The following PRPSAP1 variants were observed in gnomAD, a reference collection of about 807,000 sequenced individuals.
PRPSAP1 encodes the protein phosphoribosyl pyrophosphate synthase-associated protein 1.
PRPSAP1 carries 31 observed loss-of-function variants against 39.4 expected under a neutral mutation model. The observed-to-expected ratio is 0.79, with a 90% CI of 0.59 to 1.06. PRPSAP1 has a LOEUF of 1.06. Ranked by LOEUF, PRPSAP1 falls within the 50% of genes least tolerant of loss-of-function variation. PRPSAP1 has a pLI of 0.00. For missense variants in PRPSAP1, 430 were observed against 511.6 expected (o/e 0.84, Z 1.54); for synonymous variants, 212 against 192.6 (o/e 1.10, Z -0.83).
At chr17:76,335,257 GCTT>G (rs1222546595) in intron 3 of PRPSAP1, among the ~76,000 whole-genome samples, 2 of 151,068 alleles carry the variant, frequency 1.3e-5, no homozygotes, top group African/African-American at 4.9e-5. Context: ...GCTGGCTGTG[GCTT>G]CATAAACCAG....
chr17:76,329,893 G>C (rs1159914697), intron 6 of PRPSAP1, 150 bp downstream of exon 6: 6 of 660,292 alleles, frequency 9.1e-6, no homozygotes, highest in Non-Finnish European at 1.3e-5. Context: ...AAAGCTGTGT[G>C]TGGCATGGGA....
intron 7 of PRPSAP1, among the ~76,000 whole-genome samples, chr17:76,324,619 TA>T (rs1322735340): frequency 2.0e-5 from 3 of 149,624 alleles, no homozygotes; most frequent in Non-Finnish European, 4.5e-5. Flanking sequence ...AAAAAAGCTA[TA>T]AAACAGCATT....
chr17:76,324,494 G>A (rs531351760), intron 7 of PRPSAP1, among the ~76,000 whole-genome samples: 6 of 151,930 alleles, frequency 3.9e-5, no homozygotes, highest in Admixed American at 2.0e-4. Flanking sequence ...CAGCTACTTA[G>A]GGAGGCCGAG....
upstream of PRPSAP1, chr17:76,353,998 C>T (rs2071615911): frequency 2.4e-6 from 3 of 1,239,862 alleles, no homozygotes; most frequent in Non-Finnish European, 3.0e-6. Context: ...GGCAGGGAGC[C>T]TGGCGACTCT....
intron 3 of PRPSAP1, among the ~76,000 whole-genome samples, chr17:76,337,734 T>C (rs951052543): frequency 4.6e-5 from 7 of 152,206 alleles, no homozygotes; most frequent in Admixed American, 3.9e-4. Flanking sequence ...GCCTTCCGAA[T>C]ATCTGGGATT....
At chr17:76,345,237 T>TAAAAAAAAAAA (rs59693380) in intron 2 of PRPSAP1, among the ~76,000 whole-genome samples, 11 of 62,192 alleles carry the variant, frequency 1.8e-4, no homozygotes, top group African/African-American at 1.1e-4. Context: ...TCCGTCTCAT[T>TAAAAAAAAAAA]AAAAAAAAAA....
At chr17:76,326,859 T>C (rs2071260684) in intron 7 of PRPSAP1, among the ~76,000 whole-genome samples, 1 of 152,084 alleles carries the variant, frequency 6.6e-6, no homozygotes, top group East Asian at 1.9e-4. Flanking sequence ...GAGTCTTTTG[T>C]CTTTACAAAT....
At chr17:76,317,330 A>G (rs2071135358) in intron 7 of PRPSAP1, among the ~76,000 whole-genome samples, 1 of 151,054 alleles carries the variant, frequency 6.6e-6, no homozygotes, top group Admixed American at 6.6e-5. Flanking sequence ...AGCCTGGCCG[A>G]CAGAGCAAGA....
intron 1 of PRPSAP1, among the ~76,000 whole-genome samples, chr17:76,348,828 G>C (rs577315820): frequency 6.6e-6 from 1 of 152,308 alleles, no homozygotes; most frequent in East Asian, 1.9e-4. Context: ...GGTGCGCGTT[G>C]TTCTTTGAAT....
At chr17:76,339,785 T>A (rs2071416519) in intron 3 of PRPSAP1, among the ~76,000 whole-genome samples, 1 of 151,806 alleles carries the variant, frequency 6.6e-6, no homozygotes, top group African/African-American at 2.4e-5. Flanking sequence ...AAGACTCTGC[T>A]ACAACTCTAT....
At chr17:76,337,594 C>T (rs969569280) in intron 3 of PRPSAP1, among the ~76,000 whole-genome samples, 1 of 152,194 alleles carries the variant, frequency 6.6e-6, no homozygotes, top group Admixed American at 6.6e-5. Context: ...TCTGCAGCAG[C>T]TGGGAATTTT....
chr17:76,354,164 A>C, upstream of PRPSAP1: 3 of 989,600 alleles, frequency 3.0e-6, no homozygotes, highest in East Asian at 1.1e-4. Context: ...AGGACCCAAC[A>C]TGTCCGCCTC....
At chr17:76,353,283 C>A in intron 1 of PRPSAP1, 1 of 476,532 alleles carries the variant, frequency 2.1e-6, no homozygotes, top group Non-Finnish European at 3.7e-6. Flanking sequence ...AGACGAAAGG[C>A]AGGCAGGCCG....
intron 5 of PRPSAP1, chr17:76,330,303 A>T (rs2071306881): frequency 3.3e-6 from 2 of 601,172 alleles, no homozygotes; most frequent in Non-Finnish European, 5.8e-6. Context: ...TTTAAAAATA[A>T]TTCTTAAAAC....
chr17:76,351,135 C>T (rs1037618040), intron 1 of PRPSAP1, among the ~76,000 whole-genome samples: 4 of 152,138 alleles, frequency 2.6e-5, no homozygotes, highest in African/African-American at 9.7e-5. Flanking sequence ...CAGTAGCTCA[C>T]GCCTATAATC....
chr17:76,336,400 T>TG (rs2071378925), intron 3 of PRPSAP1, among the ~76,000 whole-genome samples: 1 of 145,578 alleles, frequency 6.9e-6, no homozygotes, highest in South Asian at 2.2e-4. Context: ...ATCATACCAC[T>TG]GCACTCCAGC....
chr17:76,347,251 C>T (rs1319067086), intron 2 of PRPSAP1, among the ~76,000 whole-genome samples: 1 of 151,786 alleles, frequency 6.6e-6, no homozygotes. Context: ...CTTTGGGAGG[C>T]CAAGACGGGT....
chr17:76,312,770 G>C (rs1245021584), intron 9 of PRPSAP1, 100 bp downstream of exon 9: 3 of 1,450,658 alleles, frequency 2.1e-6, no homozygotes, highest in African/African-American at 2.8e-5. Flanking sequence ...AGCTAGAAAA[G>C]CTATAGACAG....
chr17:76,329,125 A>G, intron 6 of PRPSAP1: 2 of 325,576 alleles, frequency 6.1e-6, no homozygotes, highest in Non-Finnish European at 1.1e-5. Flanking sequence ...GCTGGAGTGC[A>G]GTGGCGTCAA....
Sources: allele counts gnomAD v4.1 joint callset (sites outside exome capture counted in the v4.1 genomes callset), GRCh38; gene constraint gnomAD v4.1.1; transcripts MANE v1.5; gene names NCBI Gene and HGNC (gene_info 2026-07-23, HGNC 2026-07-21).